The following PCDH15 variants were observed in gnomAD, a reference collection of about 807,000 sequenced individuals.
The protein encoded by PCDH15 is protocadherin-15.
In PCDH15, 129 loss-of-function variants were observed where a neutral mutation model predicts 178.5. The observed-to-expected ratio is 0.72, with a 90% CI of 0.63 to 0.84. PCDH15 has a LOEUF of 0.84. PCDH15 is among the 40% of genes least tolerant of loss of function. PCDH15 has a pLI of 0.00. For synonymous variants in PCDH15, 800 were observed against 732.0 expected (o/e 1.09, Z -1.50); for missense variants, 2,230 against 2,099.9 (o/e 1.06, Z -1.21).
chr10:54,860,392 G>T (rs1953818509), intron 3 of PCDH15, among the ~76,000 whole-genome samples: 1 of 152,060 alleles, frequency 6.6e-6, no homozygotes, highest in South Asian at 2.1e-4. Flanking sequence ...TATAAGTAAG[G>T]ACATGAAGTA....
intron 10 of PCDH15, among the ~76,000 whole-genome samples, chr10:54,212,566 T>A (rs1037945916): frequency 6.6e-6 from 1 of 152,142 alleles, no homozygotes; most frequent in African/African-American, 2.4e-5. Context: ...CCAGAAAATC[T>A]TCCCTGAGTT....
chr10:55,374,336 G>A (rs887698110), intron 2 of PCDH15, among the ~76,000 whole-genome samples: 1 of 152,092 alleles, frequency 6.6e-6, no homozygotes, highest in Non-Finnish European at 1.5e-5. Flanking sequence ...CTCTGGCCAT[G>A]GAGGACTGAC....
intron 2 of PCDH15, among the ~76,000 whole-genome samples, chr10:54,940,430 C>T (rs914351253): frequency 9.2e-5 from 14 of 152,134 alleles, no homozygotes; most frequent in African/African-American, 3.4e-4. Context: ...CTTATTGAGG[C>T]TAGTTTTATG....
At chr10:54,524,568 T>C (rs2083200779) in intron 3 of PCDH15, among the ~76,000 whole-genome samples, 1 of 152,200 alleles carries the variant, frequency 6.6e-6, no homozygotes, top group African/African-American at 2.4e-5. Context: ...CCCACCTCTC[T>C]TCTTTCAGTA....
intron 21 of PCDH15, among the ~76,000 whole-genome samples, chr10:53,968,578 T>C (rs1164983993): frequency 6.6e-6 from 1 of 152,156 alleles, no homozygotes; most frequent in African/African-American, 2.4e-5. Context: ...GACCCCCAAG[T>C]AGCCTAACTG....
chr10:54,370,005 C>A (rs1278621180), intron 4 of PCDH15, among the ~76,000 whole-genome samples: 1 of 151,864 alleles, frequency 6.6e-6, no homozygotes, highest in Non-Finnish European at 1.5e-5. Flanking sequence ...CTACTCCAGG[C>A]TATTATATTT....
Position 53,823,378 on chromosome 10 carries a change from A to G in PCDH15, c.4368-3148T>C, listed in dbSNP as rs2132513805. 6.2e-7 allele frequency: 1 copy of G among 1,603,478 alleles called. No individual in the cohort carries two copies. The highest frequency in any genetic ancestry group is 1.7e-5 in the Admixed American group (1 of 59,928). ...AAAAGACTTGAAAGAAAAGAAGATA[A>G]TGAAATGTAAGGAAACAAGTTGTGA... On this transcript the variant is annotated intron_variant, in intron 32 of 37. Transcript: ENST00000644397.
At chr10:55,577,435 C>G (rs544445608) in intron 2 of PCDH15, among the ~76,000 whole-genome samples, 2 of 151,884 alleles carry the variant, frequency 1.3e-5, no homozygotes, top group Non-Finnish European at 2.9e-5. Context: ...GTGGAGATAC[C>G]TGAAGAAAAA....
chr10:54,517,618 T>A (rs989872666), intron 3 of PCDH15, among the ~76,000 whole-genome samples: 3 of 152,110 alleles, frequency 2.0e-5, no homozygotes, highest in African/African-American at 7.2e-5. Context: ...AATGGGAGAC[T>A]TTAACACCCC....
At chr10:54,865,538 T>C (rs1953923965) in intron 3 of PCDH15, among the ~76,000 whole-genome samples, 1 of 152,002 alleles carries the variant, frequency 6.6e-6, no homozygotes, top group African/African-American at 2.4e-5. Flanking sequence ...CTTAATAAAC[T>C]CCCTCACTAT....
At chr10:54,039,769 T>C (rs543161334) in intron 18 of PCDH15, among the ~76,000 whole-genome samples, 48 of 152,162 alleles carry the variant, frequency 3.2e-4, no homozygotes, top group Middle Eastern at 3.4e-3. Context: ...CAAGGGAACA[T>C]ATGACACTTG....
chr10:54,620,631 T>C (rs140968963), intron 2 of PCDH15, among the ~76,000 whole-genome samples: 77 of 152,232 alleles, frequency 5.1e-4, no homozygotes, highest in Non-Finnish European at 8.7e-4. Context: ...CATTTTGTGA[T>C]AGATACCACT....
At chr10:53,966,190 A>C (rs1194074982) in intron 21 of PCDH15, among the ~76,000 whole-genome samples, 2 of 152,162 alleles carry the variant, frequency 1.3e-5, no homozygotes, top group African/African-American at 4.8e-5. Flanking sequence ...TATTCTATAG[A>C]TATACCACAC....
At chr10:53,809,665 A>G (rs1247556138) in intron 37 of PCDH15, 1 of 950,490 alleles carries the variant, frequency 1.1e-6, no homozygotes, top group Non-Finnish European at 1.6e-6. Context: ...ATGTTATATA[A>G]CTGGCTTAAG....
chr10:54,100,217 T>A lies in PCDH15; in HGVS notation c.1918-10154A>T, dbSNP rs570071778. Among the ~76,000 whole-genome samples, 4 of 151,914 alleles carry A rather than the reference T, an allele frequency of 2.6e-5. No homozygotes were observed. The South Asian group carries it at 8.3e-4, about 32-fold the overall frequency. On this transcript the variant is annotated intron_variant, in intron 15 of 37. Coordinates refer to ENST00000644397, the MANE Select transcript of PCDH15 (RefSeq NM_001384140.1). ...CTGTCACTACTAAAAACACAAAAAT[T>A]TGCCGGGCGTAGTGGTGTGCATTTG...
At chr10:55,307,191 T>A (rs116083649) in intron 1 of PCDH15, among the ~76,000 whole-genome samples, 2,410 of 152,164 alleles carry the variant, frequency 0.016, 65 homozygotes, top group African/African-American at 0.054. Flanking sequence ...ATTTCTAATC[T>A]CTTGCTTTCT....
In PCDH15 at chr10:55,582,628, A is replaced by ATATATAT. The variant is rs780312007; in HGVS notation, c.-156+44996_-156+44997insATATATA. ...TATATATATATATATATATATATAT[A>ATATATAT]TTTTTTTTTTTTTGCTATATTTGAT... On this transcript the variant is annotated intron_variant, in intron 2 of 5. Coordinates refer to the PCDH15 transcript ENST00000613346. Among the ~76,000 whole-genome samples the ATATATAT allele has an allele frequency of 1.4e-3, 99 of 69,034 alleles. 1 individual carries two copies. The highest frequency in any genetic ancestry group is 6.2e-3 in the African/African-American group (94 of 15,084). The allele number at this position is 69,034 out of a possible 152,430, so 45.3% of individuals were successfully genotyped here. A position where few individuals can be genotyped will look rare whatever the true frequency, so the allele number is the denominator to read the frequency against.
Position 54,421,739 on chromosome 10 carries a change from C to T in PCDH15, c.158-42797G>A, listed in dbSNP as rs1428654408. Among the ~76,000 whole-genome samples, 7 of 72,052 alleles carry T rather than the reference C, an allele frequency of 9.7e-5. No homozygotes were observed. The East Asian group carries it at 1.9e-3, about 20-fold the overall frequency. The allele number at this position is 72,052 out of a possible 152,430, so 47.3% of individuals were successfully genotyped here. On this transcript the variant is annotated intron_variant, in intron 3 of 37. Transcript: ENST00000644397. ...TATATATTTTTGTGTTATATATACA[C>T]ACTATATACACACTATATACACACT...
At chr10:54,019,624 G>A (rs1044045625) in intron 20 of PCDH15, among the ~76,000 whole-genome samples, 1 of 152,034 alleles carries the variant, frequency 6.6e-6, no homozygotes, top group Non-Finnish European at 1.5e-5. Context: ...TGCTCTTTCA[G>A]GCAATCATCT....
Sources: gnomAD v4.1 joint callset for allele counts (sites outside exome capture counted in the v4.1 genomes callset) on GRCh38, gnomAD v4.1.1 for gene constraint, MANE v1.5 for transcripts, NCBI Gene and HGNC (gene_info 2026-07-23, HGNC 2026-07-21) for gene names.